The following FHIT variants were observed in gnomAD, a reference collection of about 807,000 sequenced individuals.
The protein encoded by FHIT is fragile histidine triad diadenosine triphosphatase, also known as bis(5'-adenosyl)-triphosphatase.
In FHIT, 19 loss-of-function variants were observed where a neutral mutation model predicts 17.9. The observed-to-expected ratio is 1.06, with a 90% confidence interval of 0.74 to 1.56. FHIT has a LOEUF of 1.56. Among genes scored for constraint, FHIT ranks in the 40% most tolerant of loss-of-function variants. The pLI is 0.00. For missense variants in FHIT, 248 were observed against 189.2 expected (o/e 1.31, Z -1.82); for synonymous variants, 81 against 69.7 (o/e 1.16, Z -0.81).
At chr3:59,985,982 G>A (rs1476461648) in intron 7 of FHIT, among the ~76,000 whole-genome samples, 2 of 152,016 alleles carry the variant, frequency 1.3e-5, no homozygotes, top group African/African-American at 2.4e-5. Context: ...GAGGAGAGCA[G>A]AGAAAGGATG....
At chr3:61,193,166 G>T (rs2038763502) in intron 2 of FHIT, among the ~76,000 whole-genome samples, 1 of 152,150 alleles carries the variant, frequency 6.6e-6, no homozygotes, top group Admixed American at 6.5e-5. Flanking sequence ...GACAATTTGG[G>T]TTGTTTTGTT....
intron 5 of FHIT, among the ~76,000 whole-genome samples, chr3:60,386,301 T>C (rs1306142660): frequency 6.6e-6 from 1 of 152,126 alleles, no homozygotes; most frequent in African/African-American, 2.4e-5. Flanking sequence ...AACCACCATC[T>C]GTGAGCTGCA....
At chr3:60,857,177 A>AG (rs1396944938) in intron 3 of FHIT, among the ~76,000 whole-genome samples, 1 of 152,088 alleles carries the variant, frequency 6.6e-6, no homozygotes, top group African/African-American at 2.4e-5. Context: ...CCATCTTGGG[A>AG]GGGGGGATTC....
At chr3:60,107,895 G>A (rs1704495966) in intron 5 of FHIT, among the ~76,000 whole-genome samples, 1 of 152,190 alleles carries the variant, frequency 6.6e-6, no homozygotes, top group Non-Finnish European at 1.5e-5. Flanking sequence ...AGTGTTGACA[G>A]TCTAAATTTG....
intron 5 of FHIT, among the ~76,000 whole-genome samples, chr3:60,142,753 GC>G (rs1290310472): frequency 6.6e-6 from 1 of 150,718 alleles, no homozygotes; most frequent in Non-Finnish European, 1.5e-5. Context: ...CAAACTCCTG[GC>G]CTCAAATGAT....
intron 5 of FHIT, among the ~76,000 whole-genome samples, chr3:60,141,384 TAAAAA>T (rs34364126): frequency 7.8e-6 from 1 of 128,104 alleles, no homozygotes; most frequent in African/African-American, 2.9e-5. Flanking sequence ...TGATGCCCAT[TAAAAA>T]AAAAAAAAAA....
At chr3:60,756,333 C>G (rs1553718268) in intron 4 of FHIT, among the ~76,000 whole-genome samples, 2 of 152,058 alleles carry the variant, frequency 1.3e-5, no homozygotes, top group African/African-American at 4.8e-5. Flanking sequence ...CACATTGTCC[C>G]TTAGAAGCTC....
intron 1 of FHIT, among the ~76,000 whole-genome samples, chr3:61,209,179 G>C (rs1054008148): frequency 6.6e-6 from 1 of 152,172 alleles, no homozygotes; most frequent in Non-Finnish European, 1.5e-5. Context: ...TTTCTGCCGA[G>C]AGATCCGCTG....
intron 8 of FHIT, among the ~76,000 whole-genome samples, chr3:59,852,751 A>G (rs1185061630): frequency 6.6e-6 from 1 of 152,184 alleles, no homozygotes; most frequent in Non-Finnish European, 1.5e-5. Context: ...CTTTTCCAGA[A>G]TTCCATATAG....
chr3:60,918,257 T>A (rs1559827850), intron 3 of FHIT, among the ~76,000 whole-genome samples: 1 of 152,150 alleles, frequency 6.6e-6, no homozygotes, highest in Non-Finnish European at 1.5e-5. Flanking sequence ...AATTAGCCAG[T>A]CTTTACTAGC....
At chr3:59,755,854 G>GGAAA (rs1374533725) in intron 8 of FHIT, among the ~76,000 whole-genome samples, 2 of 152,174 alleles carry the variant, frequency 1.3e-5, no homozygotes, top group African/African-American at 4.8e-5. Flanking sequence ...AGTGATGGAG[G>GGAAA]GAAAGAGGTT....
At chr3:60,571,550 A>T (rs951957226) in intron 4 of FHIT, among the ~76,000 whole-genome samples, 4 of 152,016 alleles carry the variant, frequency 2.6e-5, no homozygotes, top group Non-Finnish European at 5.9e-5. Context: ...CTGGGAGCAA[A>T]AAGTGTGTCC....
At position 60,363,273 on chromosome 3, in the gene FHIT, G is replaced by A. The variant is rs139830919; in HGVS notation, c.103+173587C>T. On this transcript the variant is annotated intron_variant, in intron 5 of 9. Coordinates refer to ENST00000492590, the MANE Select transcript of FHIT (RefSeq NM_002012.4). Reference sequence around the variant, plus strand: ...GAATCACTCCCCAGCTCCAAGTGACGTGTGTGTGTGCCTATGAAGTTTTAA... The same window carrying A: ...GAATCACTCCCCAGCTCCAAGTGACATGTGTGTGTGCCTATGAAGTTTTAA... Among the ~76,000 whole-genome samples, 522 of 152,142 alleles carry A rather than the reference G, an allele frequency of 3.4e-3. 2 individuals carry two copies. The highest frequency in any genetic ancestry group is 0.027 in the Middle Eastern group (8 of 292).
At chr3:60,728,889 G>T (rs2041971562) in intron 4 of FHIT, among the ~76,000 whole-genome samples, 1 of 152,092 alleles carries the variant, frequency 6.6e-6, no homozygotes, top group Non-Finnish European at 1.5e-5. Flanking sequence ...CCCTTGCAAA[G>T]ATCTCCAGAA....
chr3:60,099,628 T>A (rs1180348438), intron 5 of FHIT, among the ~76,000 whole-genome samples: 1 of 152,208 alleles, frequency 6.6e-6, no homozygotes, highest in Non-Finnish European at 1.5e-5. Flanking sequence ...CTCCTTACTC[T>A]GGAAGTTATC....
In FHIT at chr3:59,825,670, C is replaced by G. The variant is rs1167035589; in HGVS notation, c.349-73349G>C. Among the ~76,000 whole-genome samples, 3 of 152,198 alleles carry G rather than the reference C, an allele frequency of 2.0e-5. No homozygotes were observed. The East Asian group carries it at 5.8e-4, about 29-fold the overall frequency. On this transcript the variant is annotated intron_variant, in intron 8 of 9. Transcript: ENST00000492590. Reference sequence around the variant, plus strand: ...GCTTTGAATGAAGGCCTCAGTTTATCTTACACATTACTGAAGCCCATTCTA... The same window carrying G: ...GCTTTGAATGAAGGCCTCAGTTTATGTTACACATTACTGAAGCCCATTCTA...
chr3:60,408,154 A>T (rs1019092666), intron 5 of FHIT, among the ~76,000 whole-genome samples: 2 of 152,206 alleles, frequency 1.3e-5, no homozygotes, highest in African/African-American at 2.4e-5. Context: ...TTCTATAAAC[A>T]TTCTTTTCAA....
chr3:61,108,486 A>G (rs2036056913), intron 2 of FHIT, among the ~76,000 whole-genome samples: 1 of 152,208 alleles, frequency 6.6e-6, no homozygotes, highest in Admixed American at 6.5e-5. Context: ...TAATAAATGA[A>G]TGTTAATTAC....
chr3:60,322,411 T>A (rs2106810618), intron 5 of FHIT, among the ~76,000 whole-genome samples: 1 of 152,310 alleles, frequency 6.6e-6, no homozygotes, highest in East Asian at 1.9e-4. Context: ...ACAGTTTGAG[T>A]CAATAGGCAC....
Sources: gnomAD v4.1 joint callset for allele counts (sites outside exome capture counted in the v4.1 genomes callset) on GRCh38, gnomAD v4.1.1 for gene constraint, MANE v1.5 for transcripts, NCBI Gene and HGNC (gene_info 2026-07-23, HGNC 2026-07-21) for gene names.